The following CAPS2 variants were observed in gnomAD, a reference collection of about 807,000 sequenced individuals.
CAPS2 encodes the protein calcyphosin-2.
In CAPS2, 98 loss-of-function variants were observed where a neutral mutation model predicts 86.5. The observed-to-expected ratio is 1.13, with a 90% CI of 0.96 to 1.34. The LOEUF is 1.34. Ranked by LOEUF, CAPS2 falls within the 40% of genes most tolerant of loss-of-function variation. The pLI is 0.00. For missense variants in CAPS2, 729 were observed against 686.8 expected, an observed-to-expected ratio of 1.06 and a Z score of -0.69; for synonymous variants, 210 against 225.1, an observed-to-expected ratio of 0.93 and a Z score of 0.60.
intron 15 of CAPS2, 90 bp downstream of exon 15, chr12:75,284,871 C>T: frequency 1.6e-6 from 2 of 1,212,604 alleles, no homozygotes; most frequent in South Asian, 1.7e-5. Context: ...AGATTTAAAA[C>T]TTTTAAATGG....
At chr12:75,316,172 G>A (rs1477814033) in intron 6 of CAPS2, 140 bp downstream of exon 6, 4 of 1,009,062 alleles carry the variant, frequency 4.0e-6, no homozygotes, top group South Asian at 1.8e-5. Context: ...ATAAAAATGA[G>A]GACTCAATTT....
At chr12:75,312,053 T>C (rs2039288172) in intron 7 of CAPS2, among the ~76,000 whole-genome samples, 1 of 152,208 alleles carries the variant, frequency 6.6e-6, no homozygotes, top group African/African-American at 2.4e-5. Flanking sequence ...AAGTCTTACT[T>C]TTTCCTTGAA....
At chr12:75,321,654 T>C (rs2040314141) in intron 4 of CAPS2, 78 bp from the exon 5 acceptor site, 1 of 1,007,826 alleles carries the variant, frequency 9.9e-7, no homozygotes. Context: ...CAGGTTTACC[T>C]CTTACCTTAG....
intron 14 of CAPS2, among the ~76,000 whole-genome samples, chr12:75,288,584 C>A (rs1208042246): frequency 6.6e-6 from 1 of 152,182 alleles, no homozygotes; most frequent in Non-Finnish European, 1.5e-5. Flanking sequence ...TGCAAGAGAT[C>A]CTTTATCTGA....
chr12:75,342,963 A>AT (rs11418471), intron 1 of CAPS2, among the ~76,000 whole-genome samples: 70,812 of 151,620 alleles, frequency 0.47, 16,579 homozygotes, highest in East Asian at 0.51. Flanking sequence ...TATATAATAG[A>AT]TTTTGCATAT....
intron 11 of CAPS2, 63 bp from the exon 12 acceptor site, chr12:75,293,430 CA>C: frequency 1.0e-6 from 1 of 987,676 alleles, no homozygotes; most frequent in Non-Finnish European, 1.6e-6. Flanking sequence ...TAACTAACAT[CA>C]ATTTTAAATA....
intron 11 of CAPS2, chr12:75,294,906 G>GA (rs989912451): frequency 1.3e-5 from 2 of 152,008 alleles, no homozygotes; most frequent in African/African-American, 4.8e-5. Context: ...AAAAGAAAAA[G>GA]AAAAAAAGAA....
At chr12:75,328,304 T>A (rs1304518267), upstream of CAPS2, among the ~76,000 whole-genome samples, 3 of 151,976 alleles carry the variant, frequency 2.0e-5, no homozygotes, top group African/African-American at 4.8e-5. Flanking sequence ...CACATCAGTC[T>A]CTCAATTATT....
intron 1 of CAPS2, among the ~76,000 whole-genome samples, chr12:75,383,827 C>G (rs1010947995): frequency 1.3e-5 from 2 of 152,122 alleles, no homozygotes. Flanking sequence ...GTAATGCCTG[C>G]TCTCAGACCA....
At chr12:75,371,932 G>A (rs189434815) in intron 1 of CAPS2, among the ~76,000 whole-genome samples, 2 of 152,298 alleles carry the variant, frequency 1.3e-5, no homozygotes, top group East Asian at 1.9e-4. Flanking sequence ...ACTAAGAAAC[G>A]CTCTATGGAG....
At chr12:75,362,070 A>G (rs1408496358) in intron 1 of CAPS2, among the ~76,000 whole-genome samples, 1 of 152,160 alleles carries the variant, frequency 6.6e-6, no homozygotes, top group East Asian at 1.9e-4. Context: ...TGTTAAGAGA[A>G]TGAAAAGACA....
intron 1 of CAPS2, among the ~76,000 whole-genome samples, chr12:75,363,417 T>A (rs756596331): frequency 2.6e-4 from 40 of 152,256 alleles, no homozygotes; most frequent in Non-Finnish European, 5.4e-4. Context: ...AGGAATGAGG[T>A]ACAACCATGA....
upstream of CAPS2, among the ~76,000 whole-genome samples, chr12:75,327,910 A>G (rs948717745): frequency 1.3e-5 from 2 of 151,358 alleles, no homozygotes; most frequent in African/African-American, 2.4e-5. Context: ...GCCCAGTGAA[A>G]GATATCCCAA....
At chr12:75,337,256 T>C (rs1033167024) in intron 1 of CAPS2, among the ~76,000 whole-genome samples, 1 of 151,776 alleles carries the variant, frequency 6.6e-6, no homozygotes, top group African/African-American at 2.4e-5. Context: ...ATGATCATAA[T>C]TTGATGAAAT....
In CAPS2 at chr12:75,316,307, C is replaced by T. The variant is rs1035427934; in HGVS notation, c.591+5G>A. ...ACCAAATAAGTAAAAATGCTGACAA[C>T]TTACTGCATCCAATTTTCTTGCCCT... On this transcript the variant is annotated splice_donor_5th_base_variant and intron_variant, in intron 6 of 16. Transcript: ENST00000393284. 6.5e-7 allele frequency: 1 copy of T among 1,550,170 alleles called. No individual in the cohort carries two copies. Among genetic ancestry groups the T allele is most frequent in the Non-Finnish European group, 8.7e-7 (1 of 1,146,118 alleles).
chr12:75,390,448 C>T, intron 1 of CAPS2: 1 of 442,050 alleles, frequency 2.3e-6, no homozygotes, highest in East Asian at 7.0e-5. Context: ...TCTCCCTTCA[C>T]TCCCATTTAT....
chr12:75,293,303 G>A (rs757589975), exon 12 of CAPS2: 9 of 1,612,540 alleles, frequency 5.6e-6, no homozygotes, highest in Middle Eastern at 1.7e-4. Flanking sequence ...TTTAAGTAAT[G>A]TGTTTTCTTT....
chr12:75,315,413 C>CA (rs1428112923), intron 6 of CAPS2, among the ~76,000 whole-genome samples: 3 of 151,664 alleles, frequency 2.0e-5, no homozygotes, highest in Non-Finnish European at 4.4e-5. Flanking sequence ...TAATAGGCAC[C>CA]AAAAAAATAA....
At chr12:75,282,313 C>T in exon 16 of CAPS2, 2 of 1,607,466 alleles carry the variant, frequency 1.2e-6, no homozygotes, top group Non-Finnish European at 1.7e-6. Flanking sequence ...AATAGGCACA[C>T]TGCCACTTTT....
Sources: gnomAD v4.1 joint callset for allele counts (sites outside exome capture counted in the v4.1 genomes callset) on GRCh38, gnomAD v4.1.1 for gene constraint, MANE v1.5 for transcripts, NCBI Gene and HGNC (gene_info 2026-07-23, HGNC 2026-07-21) for gene names.